Variants in PDGFC observed in about 807,000 individuals in gnomAD.
PDGFC encodes platelet derived growth factor C, also known as platelet-derived growth factor C.
Under a neutral mutation model 35.5 loss-of-function variants are expected in PDGFC, and 12 were observed. That is an observed-to-expected ratio of 0.34 (90% CI 0.22 to 0.55). The LOEUF (loss-of-function observed/expected upper bound fraction) is 0.55, where lower values mean the gene tolerates loss of function less well. Among genes scored for constraint, PDGFC ranks in the 20% least tolerant of loss-of-function variants. The pLI is 0.91. For missense variants in PDGFC, 322 were observed against 412.4 expected, an observed-to-expected ratio of 0.78 and a Z score of 1.90; for synonymous variants, 159 against 148.8, an observed-to-expected ratio of 1.07 and a Z score of -0.50.
intron 2 of PDGFC, among the ~76,000 whole-genome samples, chr4:156,811,283 C>T (rs867441401): frequency 9.9e-5 from 15 of 152,074 alleles, no homozygotes; most frequent in Middle Eastern, 3.2e-3. Flanking sequence ...AAAACTTAAA[C>T]ATTTTGTAAG....
intron 2 of PDGFC, among the ~76,000 whole-genome samples, chr4:156,818,022 G>A (rs1181167923): frequency 1.3e-5 from 2 of 149,130 alleles, no homozygotes; most frequent in African/African-American, 5.0e-5. Flanking sequence ...TCACGCCAAC[G>A]CACTTCAGCC....
At chr4:156,844,223 ATTGTTC>A (rs1365318959) in intron 2 of PDGFC, among the ~76,000 whole-genome samples, 8 of 152,210 alleles carry the variant, frequency 5.3e-5, no homozygotes, top group African/African-American at 1.9e-4. Context: ...AGTTAGTTAA[ATTGTTC>A]TCAGTTATAT....
chr4:156,925,030 T>C (rs1338852577), intron 1 of PDGFC, among the ~76,000 whole-genome samples: 3 of 152,166 alleles, frequency 2.0e-5, no homozygotes, highest in Non-Finnish European at 4.4e-5. Flanking sequence ...GAGAACTTTA[T>C]GCTGGAATCT....
rs553527190 is a variant in PDGFC, at chr4:156,858,228, G to A, written c.119-7812C>T. 8.5e-5 allele frequency among the ~76,000 whole-genome samples: 13 copies of A among 152,162 alleles called. No individual in the cohort carries two copies. The South Asian group carries it at 2.1e-3, about 24-fold the overall frequency. On this transcript the variant is annotated intron_variant, in intron 1 of 5. Transcript: ENST00000502773. Reference sequence around the variant, plus strand: ...GCACTGAAGCATGTGATATAGAAATGTTAATGATTTGACAACATGGCATTT... The same window carrying A: ...GCACTGAAGCATGTGATATAGAAATATTAATGATTTGACAACATGGCATTT...
At chr4:156,826,110 C>T (rs2111003078) in intron 2 of PDGFC, among the ~76,000 whole-genome samples, 1 of 150,596 alleles carries the variant, frequency 6.6e-6, no homozygotes. Context: ...AGCAATCCTC[C>T]CACATTGGCC....
intron 1 of PDGFC, among the ~76,000 whole-genome samples, chr4:156,891,914 A>G (rs1464734411): frequency 6.6e-6 from 1 of 152,206 alleles, no homozygotes. Flanking sequence ...TTATAACTGA[A>G]TAACTGGAAC....
intron 1 of PDGFC, among the ~76,000 whole-genome samples, chr4:156,864,008 T>C (rs1579063376): frequency 6.6e-6 from 1 of 152,126 alleles, no homozygotes; most frequent in African/African-American, 2.4e-5. Context: ...TTTTTTGTTG[T>C]TGTTGTTTTG....
chr4:156,901,005 A>C (rs570800787), intron 1 of PDGFC, among the ~76,000 whole-genome samples: 1 of 152,248 alleles, frequency 6.6e-6, no homozygotes, highest in African/African-American at 2.4e-5. Context: ...AGTGTACAAA[A>C]GAGAGAATGC....
chr4:156,969,923 T>C (rs1732552049), intron 1 of PDGFC, among the ~76,000 whole-genome samples: 1 of 152,166 alleles, frequency 6.6e-6, no homozygotes, highest in South Asian at 2.1e-4. Context: ...TAATGGTAGA[T>C]GAAGAGAAAA....
At chr4:156,890,643 A>T (rs1177040666) in intron 1 of PDGFC, among the ~76,000 whole-genome samples, 3 of 152,074 alleles carry the variant, frequency 2.0e-5, no homozygotes, top group African/African-American at 7.2e-5. Flanking sequence ...TCTGTCACTA[A>T]ACTGAGATCT....
intron 5 of PDGFC, among the ~76,000 whole-genome samples, chr4:156,765,609 G>A (rs990658854): frequency 2.6e-5 from 4 of 152,054 alleles, no homozygotes; most frequent in African/African-American, 9.7e-5. Context: ...CATAATGTAA[G>A]AATGTAAGAC....
At chr4:156,852,395 C>A (rs1729479280) in intron 1 of PDGFC, among the ~76,000 whole-genome samples, 1 of 152,110 alleles carries the variant, frequency 6.6e-6, no homozygotes, top group Admixed American at 6.5e-5. Context: ...CTTCTTTCTT[C>A]CTTTTGTCTT....
At chr4:156,869,086 T>A (rs1729915284) in intron 1 of PDGFC, among the ~76,000 whole-genome samples, 1 of 152,194 alleles carries the variant, frequency 6.6e-6, no homozygotes, top group Non-Finnish European at 1.5e-5. Context: ...ATAATTTTTT[T>A]ACTTGAACTT....
In PDGFC at chr4:156,881,128, G is replaced by A. The variant is rs565484787; in HGVS notation, c.119-30712C>T. ...TGCAGCAAACTTCATTGTTGTCTTC[G>A]TTTAGGAAACTGCCACAGCCGCCCC... On this transcript the variant is annotated intron_variant, in intron 1 of 5. Coordinates refer to ENST00000502773, the MANE Select transcript of PDGFC (RefSeq NM_016205.3). 3.0e-4 allele frequency among the ~76,000 whole-genome samples: 46 copies of A among 152,230 alleles called. 1 individual carries two copies. Among genetic ancestry groups the A allele is most frequent in the South Asian group, 8.3e-4 (4 of 4,816 alleles).
At chr4:156,881,468 G>A (rs1446735674) in intron 1 of PDGFC, among the ~76,000 whole-genome samples, 2 of 152,072 alleles carry the variant, frequency 1.3e-5, no homozygotes, top group African/African-American at 2.4e-5. Flanking sequence ...TAATTCCCAC[G>A]TGTTGTGGGA....
intron 1 of PDGFC, among the ~76,000 whole-genome samples, chr4:156,950,607 T>C (rs932265400): frequency 6.6e-6 from 1 of 151,852 alleles, no homozygotes; most frequent in African/African-American, 2.4e-5. Context: ...TGTTACTCTG[T>C]CTTTTGTCAG....
intron 1 of PDGFC, among the ~76,000 whole-genome samples, chr4:156,970,135 T>C (rs915541859): frequency 2.6e-5 from 4 of 152,164 alleles, no homozygotes; most frequent in African/African-American, 9.7e-5. Context: ...CTATGCAGGA[T>C]TAAGTCGTTT....
chr4:156,800,114 T>A lies in PDGFC; in HGVS notation c.495+10723A>T, dbSNP rs145951182. Among the ~76,000 whole-genome samples, 145 of 152,300 alleles carry A rather than the reference T, an allele frequency of 9.5e-4. 1 individual carries two copies. Among genetic ancestry groups the A allele is most frequent in the African/African-American group, 3.2e-3 (133 of 41,574 alleles). ...TAAAGAGAACTCTCTTCACTCTATA[T>A]ATGTTGAGTTTTAATCTACAAAATG... On this transcript the variant is annotated intron_variant, in intron 3 of 5. Transcript: ENST00000502773.
Position 156,762,862 on chromosome 4 carries a change from G to A in PDGFC, c.*228C>T, listed in dbSNP as rs1242093465. On this transcript the variant is annotated 3_prime_UTR_variant, in exon 6 of 6. Transcript: ENST00000502773. Reference sequence around the variant, plus strand: ...ATACAACATTTAATTTTCTTTCCACGATTGAAGACCTTTTCTCCTGTCCTT... The same window carrying A: ...ATACAACATTTAATTTTCTTTCCACAATTGAAGACCTTTTCTCCTGTCCTT... The A allele has an allele frequency of 1.1e-5, 5 of 444,414 alleles. No individual in the cohort carries two copies. Among genetic ancestry groups the A allele is most frequent in the Admixed American group, 6.9e-5 (2 of 28,876 alleles). The allele number at this position is 444,414 out of a possible 1,614,324, so 27.5% of individuals were successfully genotyped here.
Sources: allele counts gnomAD v4.1 joint callset (sites outside exome capture counted in the v4.1 genomes callset), GRCh38; gene constraint gnomAD v4.1.1; transcripts MANE v1.5; gene names NCBI Gene and HGNC (gene_info 2026-07-23, HGNC 2026-07-21).